BOC: variants seen among roughly 807,000 people sequenced by gnomAD.
BOC encodes the protein BOC cell adhesion associated, oncogene regulated.
In BOC, 76 loss-of-function variants were observed where a neutral mutation model predicts 112.0. The observed-to-expected ratio is 0.68, with a 90% CI of 0.56 to 0.82. BOC has a LOEUF of 0.82. Among genes scored for constraint, BOC ranks in the 40% least tolerant of loss-of-function variants. The pLI, the probability that BOC is intolerant of heterozygous loss-of-function variation, is 0.00. For missense variants in BOC, 1,309 were observed against 1,511.7 expected, an observed-to-expected ratio of 0.87 and a Z score of 2.22; for synonymous variants, 580 against 599.8, an observed-to-expected ratio of 0.97 and a Z score of 0.48.
intron 2 of BOC, among the ~76,000 whole-genome samples, chr3:113,233,149 GTGTGT>G (rs1210869737): frequency 6.9e-5 from 1 of 14,412 alleles, no homozygotes; most frequent in African/African-American, 1.6e-4. Context: ...AAGGATTGGG[GTGTGT>G]GTGTGTGTGT....
intron 4 of BOC, among the ~76,000 whole-genome samples, chr3:113,267,636 A>G (rs1947630333): frequency 6.6e-6 from 1 of 152,184 alleles, no homozygotes; most frequent in South Asian, 2.1e-4. Flanking sequence ...GAGCAGCAAG[A>G]ATCAGCCTTC....
At chr3:113,218,877 A>G (rs1940008636) in intron 2 of BOC, among the ~76,000 whole-genome samples, 1 of 152,146 alleles carries the variant, frequency 6.6e-6, no homozygotes, top group Non-Finnish European at 1.5e-5. Context: ...GGTGGTCTTC[A>G]ACAATGGGAG....
In BOC at chr3:113,279,903, G is replaced by A. The variant is rs751120408; in HGVS notation, c.2103G>A (p.Val701=). 1 of 1,614,014 alleles carries A rather than the reference G, an allele frequency of 6.2e-7. No individual in the cohort carries two copies. Among genetic ancestry groups the A allele is most frequent in the Non-Finnish European group, 8.5e-7 (1 of 1,179,972 alleles). ...CCAGCGCCCCCTCTCGGCCCTACGT[G>A]GTGTCGGGCTACAGCGGTCGCGTGT... ...SEPSAPSRPY[V]VSGYSGRVYE... The change falls in exon 13 of 20, where the codon GTG becomes GTA. Residue 701 remains valine, a synonymous_variant. Coordinates refer to ENST00000682979, the MANE Select transcript of BOC (RefSeq NM_001378074.1).
At chr3:113,233,723 G>A (rs997087261) in intron 2 of BOC, among the ~76,000 whole-genome samples, 3 of 152,150 alleles carry the variant, frequency 2.0e-5, no homozygotes, top group African/African-American at 7.2e-5. Flanking sequence ...CATGGAATGG[G>A]TACTTGAGAC....
chr3:113,280,274 G>A (rs1325812887), intron 13 of BOC, among the ~76,000 whole-genome samples: 1 of 151,366 alleles, frequency 6.6e-6, no homozygotes, highest in East Asian at 1.9e-4. Flanking sequence ...AGCCACAGGG[G>A]CCCCTCACAT....
rs192522367 is a variant in BOC, at chr3:113,284,362, G to C, written c.2684G>C (p.Arg895Pro). 1.2e-5 allele frequency: 19 copies of C among 1,614,042 alleles called. No homozygotes were observed. Among genetic ancestry groups the C allele is most frequent in the Non-Finnish European group, 1.5e-5 (18 of 1,179,990 alleles). Residue 895 changes from arginine (R) to proline (P), a missense_variant, in exon 17 of 20, where the codon CGA (arginine) becomes CCA (proline). Arg to Pro is a moderately radical substitution (Grantham distance 103). Coordinates refer to ENST00000682979, the MANE Select transcript of BOC (RefSeq NM_001378074.1). ...QKHTTDLGFP[R>P]SALPPSCPYT... ...CATACAACAGACCTGGGTTTTCCTC[G>C]AAGTGCCCTTCCACCCTCCTGCCCG...
intron 5 of BOC, among the ~76,000 whole-genome samples, chr3:113,268,852 C>G (rs1262620806): frequency 6.6e-6 from 1 of 152,288 alleles, no homozygotes; most frequent in African/African-American, 2.4e-5. Context: ...AAGCAATCTT[C>G]CCGCTTTGGC....
intron 2 of BOC, among the ~76,000 whole-genome samples, chr3:113,241,391 T>C (rs1249154669): frequency 1.3e-5 from 2 of 152,254 alleles, no homozygotes; most frequent in East Asian, 3.9e-4. Context: ...CAAGTGTTCC[T>C]GGCCCTGTGT....
At chr3:113,240,049 A>G (rs913764460) in intron 2 of BOC, among the ~76,000 whole-genome samples, 1 of 152,206 alleles carries the variant, frequency 6.6e-6, no homozygotes. Flanking sequence ...GCTTCCGGAT[A>G]GCATTTCAGA....
At chr3:113,275,432 C>T (rs1948562860) in intron 9 of BOC, among the ~76,000 whole-genome samples, 1 of 152,216 alleles carries the variant, frequency 6.6e-6, no homozygotes, top group Non-Finnish European at 1.5e-5. Context: ...GGCCGCCACT[C>T]TCGCTCAAGG....
rs1280051219 is a variant in BOC at position 113,236,294 on chromosome 3, A to ATATATACCCATGGG, written c.-81-13422_-81-13421insCCCATGGGTATATA. Reference sequence around the variant, plus strand: ...TATATACCCATGGGTATATATATATATATATATATATATATATACCCATGG... The same window carrying ATATATACCCATGGG: ...TATATACCCATGGGTATATATATATATATATACCCATGGGTATATATATATATATATACCCATGG... On this transcript the variant is annotated intron_variant, in intron 2 of 19. Transcript: ENST00000682979. 1.4e-3 allele frequency among the ~76,000 whole-genome samples: 137 copies of ATATATACCCATGGG among 98,910 alleles called. 7 individuals carry two copies. The highest frequency in any genetic ancestry group is 6.9e-3 in the African/African-American group (134 of 19,376). The allele number at this position is 98,910 out of a possible 152,430, so 64.9% of individuals were successfully genotyped here.
rs1484612368 is a variant in BOC at position 113,250,757 on chromosome 3, T to C, written c.300T>C (p.Thr100=). 1 of 1,614,126 alleles carries C rather than the reference T, an allele frequency of 6.2e-7. No individual in the cohort carries two copies. ...TCATCACTGCCCTTAACAACCACAC[T>C]GTGGGACGGTACCAGTGTGTGGCCC... ...TLVITALNNH[T]VGRYQCVARM... The change falls in exon 4 of 20, where the codon ACT becomes ACC. Residue 100 remains threonine, a synonymous_variant. Transcript: ENST00000682979.
At chr3:113,222,215 A>G (rs543130498) in intron 2 of BOC, among the ~76,000 whole-genome samples, 6 of 152,238 alleles carry the variant, frequency 3.9e-5, no homozygotes, top group African/African-American at 1.4e-4. Context: ...GGAATCAGGG[A>G]CTTTGTTTTC....
rs116555658 is a variant in BOC, at chr3:113,257,267, C to G, written c.376+6434C>G. Among the ~76,000 whole-genome samples the G allele has an allele frequency of 8.5e-3, 1,298 of 152,326 alleles. 25 individuals are homozygous for G. Among genetic ancestry groups the G allele is most frequent in the African/African-American group, 0.03 (1,246 of 41,568 alleles). ...CCTTTATGGAGCCATGAGCTCCATT[C>G]AAACCTCTGGATGCTTTGGATTTCA... On this transcript the variant is annotated intron_variant, in intron 4 of 19. Coordinates refer to ENST00000682979, the MANE Select transcript of BOC (RefSeq NM_001378074.1).
At chr3:113,258,257 C>A (rs1946441990) in intron 4 of BOC, among the ~76,000 whole-genome samples, 2 of 152,158 alleles carry the variant, frequency 1.3e-5, no homozygotes, top group African/African-American at 4.8e-5. Flanking sequence ...AGTTCAGTTT[C>A]TCGGATGGCA....
At chr3:113,271,922 G>T (rs1041599192) in intron 6 of BOC, 1 of 178,160 alleles carries the variant, frequency 5.6e-6, no homozygotes, top group Admixed American at 5.3e-5. Context: ...TTAAACAGTG[G>T]ATTCCATTCA....
intron 4 of BOC, among the ~76,000 whole-genome samples, chr3:113,252,587 T>C (rs1945766067): frequency 6.6e-6 from 1 of 152,172 alleles, no homozygotes; most frequent in South Asian, 2.1e-4. Flanking sequence ...CCCAGATCCC[T>C]GGAGGAGCTT....
chr3:113,253,749 GAAC>G (rs1945905771), intron 4 of BOC, among the ~76,000 whole-genome samples: 1 of 152,040 alleles, frequency 6.6e-6, no homozygotes, highest in Non-Finnish European at 1.5e-5. Flanking sequence ...AGTGGTCCTA[GAAC>G]ATCTACCTTC....
chr3:113,228,541 A>G (rs1428783536), intron 2 of BOC, among the ~76,000 whole-genome samples: 1 of 152,216 alleles, frequency 6.6e-6, no homozygotes, highest in Non-Finnish European at 1.5e-5. Context: ...GGCCATAAGC[A>G]GCCTGCAAGC....
Sources: allele counts gnomAD v4.1 joint callset (sites outside exome capture counted in the v4.1 genomes callset), GRCh38; gene constraint gnomAD v4.1.1; transcripts MANE v1.5; gene names NCBI Gene and HGNC (gene_info 2026-07-23, HGNC 2026-07-21).